The following C20orf96 variants were observed in gnomAD, a reference collection of about 807,000 sequenced individuals.
C20orf96 encodes chromosome 20 open reading frame 96, also known as uncharacterized protein C20orf96.
In C20orf96, 57 loss-of-function variants were observed where a neutral mutation model predicts 52.6. The observed-to-expected ratio is 1.08, with a 90% CI of 0.88 to 1.35. The LOEUF is 1.35. Among genes scored for constraint, C20orf96 ranks in the 40% most tolerant of loss-of-function variants. C20orf96 has a pLI of 0.00. For missense variants in C20orf96, 478 were observed against 443.6 expected, an observed-to-expected ratio of 1.08 and a Z score of -0.70; for synonymous variants, 168 against 157.2, an observed-to-expected ratio of 1.07 and a Z score of -0.51.
Position 277,314 on chromosome 20 carries a change from C to T in C20orf96, c.635G>A (p.Ser212Asn), listed in dbSNP as rs1280778101. ...GGAATACTCATGGTCCATGTAAGTG[C>T]TCAGGAAGTTCACTTCCTCCTGGGT... is the stretch of plus-strand genomic sequence containing the variant. ...EKTQEEVNFL[S>N]TYMDHEYSIK... The change falls in exon 7 of 11, where the codon AGC (serine) becomes AAC (asparagine). Residue 212 changes from serine (S) to asparagine (N), a missense_variant. Transcript: ENST00000360321. The T allele has an allele frequency of 2.5e-6, 4 of 1,614,104 alleles. No individual in the cohort carries two copies. Among genetic ancestry groups the T allele is most frequent in the Non-Finnish European group, 3.4e-6 (4 of 1,179,990 alleles).
intron 3 of C20orf96, among the ~76,000 whole-genome samples, chr20:285,926 T>C (rs892504846): frequency 3.9e-5 from 6 of 152,160 alleles, no homozygotes; most frequent in South Asian, 2.1e-4. Flanking sequence ...ATTATGTAAA[T>C]ACCCAATGGT....
intron 10 of C20orf96, among the ~76,000 whole-genome samples, chr20:272,041 C>T (rs1249444292): frequency 6.6e-6 from 1 of 151,298 alleles, no homozygotes; most frequent in Non-Finnish European, 1.5e-5. Flanking sequence ...AGTATTTAGG[C>T]AGGAAATGTC....
At chr20:276,619 T>G in intron 9 of C20orf96, 174 bp downstream of exon 9, 1 of 1,446,040 alleles carries the variant, frequency 6.9e-7, no homozygotes, top group Admixed American at 2.7e-5. Flanking sequence ...GCCAATCGCC[T>G]TCCCAGATGA....
chr20:271,048 A>C lies in C20orf96; in HGVS notation c.*159T>G, dbSNP rs1490325823. 1.7e-4 allele frequency: 70 copies of C among 422,718 alleles called. 3 individuals are homozygous for C. The highest frequency in any genetic ancestry group is 1.6e-3 in the South Asian group (66 of 42,276). The allele number at this position is 422,718 out of a possible 1,614,324, so 26.2% of individuals were successfully genotyped here. ...AGGGAAGGGAAGGGGGGAAGAAGGGAGGGAGGGAGGGAGGGAAAGAAAGAG... is the reference window on the plus strand; with the variant it reads ...AGGGAAGGGAAGGGGGGAAGAAGGGCGGGAGGGAGGGAGGGAAAGAAAGAG... On this transcript the variant is annotated 3_prime_UTR_variant, in exon 11 of 11. Transcript: ENST00000360321.
In C20orf96 at chr20:279,063, G is replaced by A. The variant is rs531324670; in HGVS notation, c.465+109C>T. The A allele has an allele frequency of 5.9e-6, 3 of 507,456 alleles. No homozygotes were observed. In the South Asian group the frequency reaches 8.1e-5, roughly 14 times the overall value. The allele number at this position is 507,456 out of a possible 1,614,324, so 31.4% of individuals were successfully genotyped here. ...CGGAGGGCGGGAGGGCGGGACGGAGGGAGGGAGGGAGGGAGGGACGGAGGG... is the reference window on the plus strand; with the variant it reads ...CGGAGGGCGGGAGGGCGGGACGGAGAGAGGGAGGGAGGGAGGGACGGAGGG... On this transcript the variant is annotated intron_variant, in intron 5 of 10. Coordinates refer to ENST00000360321, the MANE Select transcript of C20orf96 (RefSeq NM_153269.3).
intron 8 of C20orf96, 54 bp from the exon 9 acceptor site, chr20:276,933 C>T: frequency 6.2e-7 from 1 of 1,610,012 alleles, no homozygotes; most frequent in Non-Finnish European, 8.5e-7. Flanking sequence ...GGCAGCAGAA[C>T]ATGGTAGAGA....
rs756843278 is a variant in C20orf96, at chr20:290,267, G to C, written c.61C>G (p.Gln21Glu). 5.6e-6 allele frequency: 9 copies of C among 1,612,132 alleles called. No individual in the cohort carries two copies. The East Asian group carries it at 2.0e-4, about 36-fold the overall frequency. ...SGTHSIVQEFQVPDYVPWQQS... is the reference protein window; with the variant it reads ...SGTHSIVQEFEVPDYVPWQQS... ...AGTCCCCCAAGACTCACCGGAACCT[G>C]GAACTCCTGGACTATGGAGTGAGTC... The change falls in exon 2 of 11, where the codon CAG (glutamine) becomes GAG (glutamate). Residue 21 changes from glutamine to glutamate, a missense_variant. Coordinates refer to ENST00000360321, the MANE Select transcript of C20orf96 (RefSeq NM_153269.3).
rs1411361114 is a variant in C20orf96 at position 289,692 on chromosome 20, T to C, written c.70-16A>G. On this transcript the variant is annotated splice_polypyrimidine_tract_variant and intron_variant, in intron 2 of 10. Coordinates refer to ENST00000360321, the MANE Select transcript of C20orf96 (RefSeq NM_153269.3). ...GAACATAATCCTACAAAATATACAA[T>C]CAGTCACATAGCACCATGAGTTTAT... 6.3e-7 allele frequency: 1 copy of C among 1,581,184 alleles called. No homozygotes were observed. Among genetic ancestry groups the C allele is most frequent in the East Asian group, 2.2e-5 (1 of 44,716 alleles).
chr20:285,863 C>T lies in C20orf96; in HGVS notation c.188-1782G>A, dbSNP rs918882234. On this transcript the variant is annotated intron_variant, in intron 3 of 10. Coordinates refer to ENST00000360321, the MANE Select transcript of C20orf96 (RefSeq NM_153269.3). Reference sequence around the variant, plus strand: ...TGCTGGGATTACAGGTGTGAGCCACCGCGCCCGGCCAGATTACCCATATTT... The same window carrying T: ...TGCTGGGATTACAGGTGTGAGCCACTGCGCCCGGCCAGATTACCCATATTT... Among the ~76,000 whole-genome samples the T allele has an allele frequency of 4.6e-5, 7 of 152,090 alleles. No individual in the cohort carries two copies. The East Asian group carries it at 5.8e-4, about 13-fold the overall frequency.
At chr20:288,598 A>G (rs999864203) in intron 3 of C20orf96, among the ~76,000 whole-genome samples, 2 of 152,106 alleles carry the variant, frequency 1.3e-5, no homozygotes, top group South Asian at 2.1e-4. Context: ...GCCTGGTGGG[A>G]GCCTGAGCCT....
intron 3 of C20orf96, among the ~76,000 whole-genome samples, chr20:289,037 G>A (rs1386235498): frequency 2.0e-5 from 3 of 152,174 alleles, no homozygotes; most frequent in South Asian, 2.1e-4. Flanking sequence ...TGATGTGGCA[G>A]AGTTTATTCT....
Position 277,386 on chromosome 20 carries a change from G to A in C20orf96, c.566-3C>T. ...CTGCTCTGCCTGCTGCTCAAGATCT[G>A]GGGAGGGGTTAGGGAGGTCAGCAGG... On this transcript the variant is annotated splice_polypyrimidine_tract_variant and splice_region_variant and intron_variant, in intron 6 of 10. Coordinates refer to ENST00000360321, the MANE Select transcript of C20orf96 (RefSeq NM_153269.3). 7.4e-6 allele frequency: 12 copies of A among 1,613,546 alleles called. No individual in the cohort carries two copies. The highest frequency in any genetic ancestry group is 1.0e-5 in the Non-Finnish European group (12 of 1,179,986).
chr20:274,790 A>T lies in C20orf96; in HGVS notation c.1031+1178T>A, dbSNP rs562398948. 3.3e-5 allele frequency among the ~76,000 whole-genome samples: 5 copies of T among 151,134 alleles called. No individual in the cohort carries two copies. The East Asian group carries it at 9.8e-4, about 30-fold the overall frequency. On this transcript the variant is annotated intron_variant, in intron 10 of 10. Transcript: ENST00000360321. The stretch of plus-strand genomic sequence containing the variant: ...GACTGCCCAGACTTGCTGTCCTAAC[A>T]GTTGCTTTCTTTTTTCTTTTTTTTT...
intron 4 of C20orf96, among the ~76,000 whole-genome samples, chr20:281,860 G>A (rs981419768): frequency 1.3e-5 from 2 of 152,104 alleles, no homozygotes; most frequent in Non-Finnish European, 2.9e-5. Flanking sequence ...CAACTACTCC[G>A]AGAGGCTGAG....
At position 286,746 on chromosome 20, in the gene C20orf96, T is replaced by C. The variant is rs139055237; in HGVS notation, c.188-2665A>G. Among the ~76,000 whole-genome samples the C allele has an allele frequency of 3.2e-4, 48 of 152,158 alleles. No homozygotes were observed. In the East Asian group the frequency reaches 7.7e-3, roughly 24 times the overall value. On this transcript the variant is annotated intron_variant, in intron 3 of 10. Coordinates refer to ENST00000360321, the MANE Select transcript of C20orf96 (RefSeq NM_153269.3). ...ATTAAGATGAGCAAGATATAGGACT[T>C]TCCCATAACCACAAGGATCCTGCCT... is the stretch of plus-strand genomic sequence containing the variant.
rs1019174508 is a variant in C20orf96, at chr20:279,181, G to T, written c.456C>A (p.Asp152Glu). 1 of 1,599,798 alleles carries T rather than the reference G, an allele frequency of 6.3e-7. No individual in the cohort carries two copies. The change falls in exon 5 of 11, where the codon GAC becomes GAA. Residue 152 changes from aspartate (D) to glutamate (E), a missense_variant. By Grantham distance (45) the Asp-to-Glu change is conservative. Coordinates refer to ENST00000360321, the MANE Select transcript of C20orf96 (RefSeq NM_153269.3). ...LHVRALLQQQ[D>E]TLATIIDILE... is the part of the protein sequence containing the mutation. Reference sequence around the variant, plus strand: ...ATGCCGCGGGTCTCACCGCCAGGGTGTCCTGCTGCTGCAGCAGGGCCCGCA... The same window carrying T: ...ATGCCGCGGGTCTCACCGCCAGGGTTTCCTGCTGCTGCAGCAGGGCCCGCA...
rs2011803088 is a variant in C20orf96 at position 270,909 on chromosome 20, A to G, written c.*298T>C. 2 of 406,980 alleles carry G rather than the reference A, an allele frequency of 4.9e-6. No individual in the cohort carries two copies. The highest frequency in any genetic ancestry group is 8.8e-6 in the Non-Finnish European group (2 of 226,562). The allele number at this position is 406,980 out of a possible 1,614,324, so 25.2% of individuals were successfully genotyped here. On this transcript the variant is annotated 3_prime_UTR_variant, in exon 11 of 11. Transcript: ENST00000360321. ...TTGGTAAAAAAGGAATAGCAGATTTAATCAGAAATTCCCACCTGGCCCAGC... is the reference window on the plus strand; with the variant it reads ...TTGGTAAAAAAGGAATAGCAGATTTGATCAGAAATTCCCACCTGGCCCAGC...
intron 3 of C20orf96, 79 bp downstream of exon 3, chr20:289,480 G>A: frequency 2.3e-6 from 2 of 854,008 alleles, no homozygotes; most frequent in South Asian, 1.3e-5. Context: ...CCTAATATAA[G>A]TGGTGTCACC....
chr20:276,221 C>T lies in C20orf96; in HGVS notation c.913-135G>A, dbSNP rs1181871489. 10 of 1,527,480 alleles carry T rather than the reference C, an allele frequency of 6.5e-6. No homozygotes were observed. In the East Asian group the frequency reaches 1.4e-4, roughly 21 times the overall value. The allele number at this position is 1,527,480 out of a possible 1,614,324, so 94.6% of individuals were successfully genotyped here. On this transcript the variant is annotated intron_variant, in intron 9 of 10. Transcript: ENST00000360321. ...TTCTGTCACTGGGACTTGCTGGACT[C>T]CAGGGAGGGGACTTCCCCATGCAAG...
Sources: gnomAD v4.1 joint callset for allele counts (sites outside exome capture counted in the v4.1 genomes callset) on GRCh38, gnomAD v4.1.1 for gene constraint, MANE v1.5 for transcripts, NCBI Gene and HGNC (gene_info 2026-07-23, HGNC 2026-07-21) for gene names.